LAMA2: variants seen among roughly 807,000 people sequenced by gnomAD.
LAMA2 encodes the protein laminin subunit alpha 2.
A neutral mutation model predicts 364.8 loss-of-function variants in LAMA2; 269 were observed. The ratio of observed to expected loss-of-function variants is 0.74; its 90% CI spans 0.67 to 0.82. LAMA2 has a LOEUF of 0.82. LAMA2 is among the 40% of genes least tolerant of loss of function. The pLI is 0.00. For synonymous variants in LAMA2, 1,379 were observed against 1,370.6 expected (o/e 1.01, Z -0.14); for missense variants, 3,807 against 3,873.2 (o/e 0.98, Z 0.45).
At chr6:129,502,916 T>C in intron 59 of LAMA2, 145 bp downstream of exon 59, 1 of 873,830 alleles carries the variant, frequency 1.1e-6, no homozygotes, top group Non-Finnish European at 1.9e-6. Flanking sequence ...AATAGAATTT[T>C]ATTTGTCTGA....
rs1562595821 is a variant in LAMA2, at chr6:129,473,235, T to C, written c.7322T>C (p.Ile2441Thr). The C allele has an allele frequency of 6.2e-7, 1 of 1,601,942 alleles. No homozygotes were observed. The highest frequency in any genetic ancestry group is 1.3e-5 in the African/African-American group (1 of 74,772). The part of the protein sequence containing the change: ...QKQANISIVD[I>T]DTNQEENIAT... ...ACAGCCAATATATCAATTGTAGATA[T>C]AGATACTAATCAGGAGGAGAATATA... The change falls in exon 52 of 65, where the codon ATA (isoleucine) becomes ACA (threonine). Residue 2441 changes from isoleucine to threonine, a missense_variant. This residue lies in a region of LAMA2 where 3,333 missense variants were observed against 3,345.7 expected (regional missense o/e 1.00). Transcript: ENST00000421865.
intron 9 of LAMA2, among the ~76,000 whole-genome samples, chr6:129,170,815 CTT>C (rs1189461187): frequency 6.7e-6 from 1 of 149,640 alleles, no homozygotes; most frequent in Non-Finnish European, 1.5e-5. Context: ...GTCTAAGTCT[CTT>C]TGTAGGTCAC....
At chr6:129,435,495 A>G (rs528879214) in intron 41 of LAMA2, among the ~76,000 whole-genome samples, 16 of 152,298 alleles carry the variant, frequency 1.1e-4, no homozygotes, top group African/African-American at 2.2e-4. Context: ...AGAAAATCCA[A>G]TTACTTGGAA....
At position 129,270,620 on chromosome 6, in the gene LAMA2, T is replaced by G. The variant is rs890804275; in HGVS notation, c.2323-4T>G. The G allele has an allele frequency of 8.1e-6, 13 of 1,612,928 alleles. No homozygotes were observed. The highest frequency in any genetic ancestry group is 1.1e-5 in the Non-Finnish European group (13 of 1,179,236). On this transcript the variant is annotated splice_polypyrimidine_tract_variant and splice_region_variant and intron_variant, in intron 16 of 64. Coordinates refer to ENST00000421865, the MANE Select transcript of LAMA2 (RefSeq NM_000426.4). ...ATAAACTCTGATGCTCATTTCTTTC[T>G]CAGAACTGTAAGGATCACACAGGTG...
At chr6:129,512,609 A>G (rs1369967108) in intron 63 of LAMA2, 116 bp downstream of exon 63, 1 of 1,155,926 alleles carries the variant, frequency 8.7e-7, no homozygotes, top group African/African-American at 1.5e-5. Context: ...CTTTGTTGGG[A>G]GAAAGCTAAA....
chr6:129,399,108 T>C (rs1281720421), intron 37 of LAMA2, among the ~76,000 whole-genome samples: 1 of 152,320 alleles, frequency 6.6e-6, no homozygotes, highest in East Asian at 1.9e-4. Flanking sequence ...TGATTTTTAT[T>C]ACCTAATCTT....
chr6:128,923,195 C>G (rs1166562381), intron 1 of LAMA2, among the ~76,000 whole-genome samples: 1 of 149,232 alleles, frequency 6.7e-6, no homozygotes, highest in Middle Eastern at 3.4e-3. Flanking sequence ...GATGCGGGCT[C>G]TTTTTTGGTT....
chr6:129,278,364 G>C (rs1004280779), intron 17 of LAMA2, among the ~76,000 whole-genome samples: 2 of 152,150 alleles, frequency 1.3e-5, no homozygotes, highest in African/African-American at 4.8e-5. Context: ...CTTCTGGTTG[G>C]AGTCAGTTTC....
At chr6:129,058,057 G>A (rs912869714) in intron 2 of LAMA2, among the ~76,000 whole-genome samples, 2 of 152,124 alleles carry the variant, frequency 1.3e-5, no homozygotes, top group Non-Finnish European at 2.9e-5. Flanking sequence ...CAAATGTGCC[G>A]ACTTTCTAGT....
chr6:129,505,161 G>T, intron 60 of LAMA2, 39 bp from the exon 61 acceptor site: 1 of 1,582,710 alleles, frequency 6.3e-7, no homozygotes, highest in Non-Finnish European at 8.7e-7. Flanking sequence ...TGTGAAATTT[G>T]TTCAGGATTG....
At chr6:129,212,529 T>C (rs180888563) in intron 12 of LAMA2, among the ~76,000 whole-genome samples, 22 of 152,298 alleles carry the variant, frequency 1.4e-4, no homozygotes, top group South Asian at 2.1e-4. Context: ...TGAACAAAGA[T>C]ATACAGCTTC....
At chr6:129,121,383 T>TAA in intron 4 of LAMA2, among the ~76,000 whole-genome samples, 1 of 152,338 alleles carries the variant, frequency 6.6e-6, no homozygotes, top group African/African-American at 2.4e-5. Flanking sequence ...CTCTTGATGC[T>TAA]GTTGTTTACC....
Position 129,106,153 on chromosome 6 carries a change from C to CT in LAMA2, c.639+7752dup, listed in dbSNP as rs535577847. 5.4e-3 allele frequency among the ~76,000 whole-genome samples: 755 copies of CT among 140,846 alleles called. 2 individuals carry two copies. The highest frequency in any genetic ancestry group is 0.022 in the Middle Eastern group (6 of 268). The allele number at this position is 140,846 out of a possible 152,430, so 92.4% of individuals were successfully genotyped here. On this transcript the variant is annotated intron_variant, in intron 4 of 64. Transcript: ENST00000421865. ...AAACCATCATTAAATCTTGAAGACA[C>CT]TTTTTTTTTTTTTTGTAAACTGTAT...
At chr6:129,351,759 G>C (rs1647748553) in intron 31 of LAMA2, among the ~76,000 whole-genome samples, 3 of 151,972 alleles carry the variant, frequency 2.0e-5, no homozygotes, top group Admixed American at 2.0e-4. Flanking sequence ...ATCTGAATCT[G>C]CTTAGAATAC....
chr6:129,096,568 C>T (rs1775201244), intron 3 of LAMA2, among the ~76,000 whole-genome samples: 1 of 152,166 alleles, frequency 6.6e-6, no homozygotes, highest in African/African-American at 2.4e-5. Context: ...TATTTCTCAC[C>T]TGCAGTGATA....
chr6:129,515,144 G>A (rs904431612), intron 64 of LAMA2, among the ~76,000 whole-genome samples: 2 of 152,100 alleles, frequency 1.3e-5, no homozygotes, highest in African/African-American at 4.8e-5. Context: ...TACCTAAAGT[G>A]CCCATAAACA....
At chr6:128,926,993 T>C (rs1779143227) in intron 1 of LAMA2, among the ~76,000 whole-genome samples, 2 of 152,178 alleles carry the variant, frequency 1.3e-5, no homozygotes, top group Admixed American at 1.3e-4. Context: ...TAGTTTTGGG[T>C]ATAAACCATC....
rs1583768243 is a variant in LAMA2 at position 129,445,658 on chromosome 6, T to C, written c.6275-9T>C. 6.2e-7 allele frequency: 1 copy of C among 1,613,508 alleles called. No homozygotes were observed. Among genetic ancestry groups the C allele is most frequent in the East Asian group, 2.2e-5 (1 of 44,848 alleles). On this transcript the variant is annotated splice_polypyrimidine_tract_variant and intron_variant, in intron 44 of 64. Coordinates refer to ENST00000421865, the MANE Select transcript of LAMA2 (RefSeq NM_000426.4). The stretch of plus-strand genomic sequence containing the variant: ...GCATATACATGCACACTAATTTTGT[T>C]CTATGCAGTTGCCGATGCAGATGCC...
chr6:129,019,530 A>T (rs1297659923), intron 1 of LAMA2, among the ~76,000 whole-genome samples: 1 of 151,718 alleles, frequency 6.6e-6, no homozygotes, highest in Non-Finnish European at 1.5e-5. Flanking sequence ...ATTTTAAAAG[A>T]TTTGTATTTT....
Sources: allele counts gnomAD v4.1 joint callset (sites outside exome capture counted in the v4.1 genomes callset), GRCh38; gene constraint gnomAD v4.1.1; regional missense constraint gnomAD v4.1.1; transcripts MANE v1.5; gene names NCBI Gene and HGNC (gene_info 2026-07-23, HGNC 2026-07-21).